PPARGC1A: variants seen among roughly 807,000 people sequenced by gnomAD.
PPARGC1A encodes peroxisome proliferator-activated receptor gamma coactivator 1-alpha.
In PPARGC1A, 25 loss-of-function variants were observed where a neutral mutation model predicts 88.7. The observed-to-expected ratio is 0.28, with a 90% CI of 0.21 to 0.39. The LOEUF is 0.39. Among genes scored for constraint, PPARGC1A ranks in the 10% least tolerant of loss-of-function variants. The pLI is 1.00. For missense variants in PPARGC1A, 880 were observed against 968.7 expected (o/e 0.91, Z 1.22); for synonymous variants, 363 against 355.6 (o/e 1.02, Z -0.24).
chr4:24,451,871 C>A, the PPARGC1A span, among the ~76,000 whole-genome samples: 1 of 152,270 alleles, frequency 6.6e-6, no homozygotes, highest in Admixed American at 6.5e-5. Context: ...CCACTGTGCC[C>A]GGCTGTGATG....
the PPARGC1A span, among the ~76,000 whole-genome samples, chr4:24,142,186 T>C: frequency 6.6e-6 from 1 of 152,142 alleles, no homozygotes; most frequent in African/African-American, 2.4e-5. Context: ...CCATAGAGTG[T>C]TTGAAGCACT....
chr4:23,799,412 C>T (rs1426290136), intron 12 of PPARGC1A, among the ~76,000 whole-genome samples: 1 of 152,162 alleles, frequency 6.6e-6, no homozygotes, highest in African/African-American at 2.4e-5. Flanking sequence ...CACAATAACA[C>T]TATATGGTAT....
chr4:23,826,465 T>C (rs1267826412), intron 5 of PPARGC1A, among the ~76,000 whole-genome samples: 1 of 152,052 alleles, frequency 6.6e-6, no homozygotes. Flanking sequence ...TAGACAATCA[T>C]CCTAAGGAAA....
chr4:23,951,132 C>T, the PPARGC1A span, among the ~76,000 whole-genome samples: 3 of 152,054 alleles, frequency 2.0e-5, no homozygotes, highest in African/African-American at 7.2e-5. Context: ...CTTTGAAAGA[C>T]CCCCCAGTCC....
chr4:24,037,714 G>A, the PPARGC1A span, among the ~76,000 whole-genome samples: 20 of 152,136 alleles, frequency 1.3e-4, no homozygotes, highest in Admixed American at 8.5e-4. Context: ...TATTGCACCC[G>A]CACTTGTGTA....
the PPARGC1A span, among the ~76,000 whole-genome samples, chr4:24,094,492 G>A: frequency 6.6e-6 from 1 of 152,082 alleles, no homozygotes; most frequent in Non-Finnish European, 1.5e-5. Flanking sequence ...TGCATTAAGT[G>A]TCTCAGTTTC....
chr4:24,180,235 C>T, the PPARGC1A span, among the ~76,000 whole-genome samples: 1 of 152,192 alleles, frequency 6.6e-6, no homozygotes, highest in East Asian at 1.9e-4. Context: ...CTTTCACAAT[C>T]TTTGCTAATC....
the PPARGC1A span, among the ~76,000 whole-genome samples, chr4:24,265,602 G>A: frequency 6.6e-6 from 1 of 152,068 alleles, no homozygotes; most frequent in Non-Finnish European, 1.5e-5. Flanking sequence ...AAAAAGAAAA[G>A]AAATTCCATA....
the PPARGC1A span, among the ~76,000 whole-genome samples, chr4:24,458,159 T>C: frequency 3.9e-5 from 6 of 152,180 alleles, no homozygotes; most frequent in African/African-American, 7.2e-5. Context: ...TCTTGACTAA[T>C]ATGTATGGTT....
the PPARGC1A span, among the ~76,000 whole-genome samples, chr4:24,316,533 T>C: frequency 1.3e-5 from 2 of 152,196 alleles, no homozygotes; most frequent in African/African-American, 4.8e-5. Flanking sequence ...AGAATAAGGT[T>C]TTTAAAACCC....
At chr4:24,147,420 G>A in the PPARGC1A span, among the ~76,000 whole-genome samples, 15 of 152,126 alleles carry the variant, frequency 9.9e-5, no homozygotes, top group African/African-American at 3.6e-4. Flanking sequence ...GCCTTTAAGC[G>A]CTTGAGAGGA....
the PPARGC1A span, among the ~76,000 whole-genome samples, chr4:24,200,472 C>G: frequency 1.3e-5 from 2 of 151,638 alleles, no homozygotes; most frequent in East Asian, 1.9e-4. Context: ...GATCGCACCA[C>G]TGTACTCCAG....
the PPARGC1A span, among the ~76,000 whole-genome samples, chr4:24,006,344 C>A: frequency 3.3e-5 from 5 of 152,140 alleles, no homozygotes; most frequent in Admixed American, 6.5e-5. Flanking sequence ...GCACTGTGCC[C>A]GGCCAGTTTT....
chr4:23,984,258 T>C, the PPARGC1A span, among the ~76,000 whole-genome samples: 125,995 of 151,982 alleles, frequency 0.83, 52,334 homozygotes, highest in Non-Finnish European at 0.84. Context: ...GGGATTCCTG[T>C]TCTTCTATGC....
At chr4:24,021,300 G>A in the PPARGC1A span, among the ~76,000 whole-genome samples, 4 of 152,162 alleles carry the variant, frequency 2.6e-5, no homozygotes, top group Non-Finnish European at 5.9e-5. Context: ...ACAGGCTTAC[G>A]CTGGGTAGTG....
the PPARGC1A span, among the ~76,000 whole-genome samples, chr4:24,285,076 C>A: frequency 6.6e-6 from 1 of 152,048 alleles, no homozygotes; most frequent in Non-Finnish European, 1.5e-5. Flanking sequence ...TGCAGTGAGG[C>A]AAAGAGGGCA....
the PPARGC1A span, among the ~76,000 whole-genome samples, chr4:24,033,918 T>C: frequency 6.6e-6 from 1 of 152,158 alleles, no homozygotes; most frequent in African/African-American, 2.4e-5. Flanking sequence ...CAATTTCCCC[T>C]CAAAAATAGC....
At chr4:23,802,513 A>G (rs1718976220) in intron 10 of PPARGC1A, among the ~76,000 whole-genome samples, 168 bp from the exon 11 acceptor site, 1 of 151,892 alleles carries the variant, frequency 6.6e-6, no homozygotes, top group Non-Finnish European at 1.5e-5. Context: ...CCCCATCTCT[A>G]CTAAAAATAC....
the PPARGC1A span, among the ~76,000 whole-genome samples, chr4:24,357,591 T>C: frequency 6.6e-6 from 1 of 152,200 alleles, no homozygotes; most frequent in African/African-American, 2.4e-5. Flanking sequence ...TAGATGGCCA[T>C]CATGCCTGTT....
Sources: allele counts gnomAD v4.1 joint callset (sites outside exome capture counted in the v4.1 genomes callset), GRCh38; gene constraint gnomAD v4.1.1; transcripts MANE v1.5; gene names NCBI Gene and HGNC (gene_info 2026-07-23, HGNC 2026-07-21).